The following TXN variants were observed in gnomAD, a reference collection of about 807,000 sequenced individuals.
TXN encodes ADF.
Under a neutral mutation model 16.5 loss-of-function variants are expected in TXN, and 10 were observed. The observed-to-expected ratio is 0.61, with a 90% CI of 0.37 to 1.03. The LOEUF is 1.03. TXN is among the 50% of genes least tolerant of loss of function. TXN has a pLI of 0.01. For missense variants in TXN, 71 were observed against 122.5 expected (o/e 0.58, Z 1.98); for synonymous variants, 35 against 39.4 (o/e 0.89, Z 0.42).
chr9:110,244,906 A>G, intron 3 of TXN, 63 bp from the exon 4 acceptor site: 1 of 1,404,472 alleles, frequency 7.1e-7, no homozygotes. Flanking sequence ...GAGCTTTGAC[A>G]GAAGTAATCC....
intron 1 of TXN, among the ~76,000 whole-genome samples, chr9:110,255,743 G>A (rs1448002672): frequency 6.6e-6 from 1 of 152,204 alleles, no homozygotes; most frequent in Non-Finnish European, 1.5e-5. Context: ...ACGTGCCAGG[G>A]GGTCTCCAGC....
chr9:110,244,853 A>C lies in TXN; in HGVS notation c.190-10T>G. Reference sequence around the variant, plus strand: ...ACTCTGAAGCAACATCCTGGTAGGGAAAGTAGCAAAGGGAGAGGATTAAAT... The same window carrying C: ...ACTCTGAAGCAACATCCTGGTAGGGCAAGTAGCAAAGGGAGAGGATTAAAT... On this transcript the variant is annotated splice_polypyrimidine_tract_variant and intron_variant, in intron 3 of 4. Transcript: ENST00000374517. The C allele has an allele frequency of 6.2e-7, 1 of 1,610,656 alleles. No homozygotes were observed. Among genetic ancestry groups the C allele is most frequent in the Non-Finnish European group, 8.5e-7 (1 of 1,177,154 alleles).
Position 110,243,964 on chromosome 9 carries a change from C to T in TXN, c.*193G>A, listed in dbSNP as rs1021281360. 3.2e-6 allele frequency: 1 copy of T among 311,450 alleles called. No homozygotes were observed. The highest frequency in any genetic ancestry group is 6.0e-6 in the Non-Finnish European group (1 of 165,640). 19.3% of individuals were successfully genotyped at this position (311,450 alleles called of 1,614,324 possible). A position where few individuals can be genotyped will look rare whatever the true frequency, so the allele number is the denominator to read the frequency against. ...AAGTGATTGAGAATATAGGAAAATACATTAAATGACCATTTCACATTTATT... is the reference window on the plus strand; with the variant it reads ...AAGTGATTGAGAATATAGGAAAATATATTAAATGACCATTTCACATTTATT... On this transcript the variant is annotated 3_prime_UTR_variant, in exon 5 of 5. Coordinates refer to ENST00000374517, the MANE Select transcript of TXN (RefSeq NM_003329.4).
rs565682791 is a variant in TXN, at chr9:110,250,877, G to A, written c.132C>T (p.Ser44=). The change falls in exon 3 of 5, where the codon TCC becomes TCT. Residue 44 remains serine (S), a splice_region_variant and synonymous_variant. Transcript: ENST00000374517. ...PCKMIKPFFH[S]LSEKYSNVIF... ...TCACGTTGGAATACTTTTCAGAGAGGGACTGGAAAATTTAAAATGAAAAAT... is the reference window on the plus strand; with the variant it reads ...TCACGTTGGAATACTTTTCAGAGAGAGACTGGAAAATTTAAAATGAAAAAT... 5 of 1,608,224 alleles carry A rather than the reference G, an allele frequency of 3.1e-6. No individual in the cohort carries two copies. In the African/African-American group the frequency reaches 6.7e-5, roughly 22 times the overall value.
intron 3 of TXN, among the ~76,000 whole-genome samples, chr9:110,249,038 G>T (rs983632007): frequency 7.1e-6 from 1 of 140,328 alleles, no homozygotes; most frequent in Admixed American, 8.1e-5. Context: ...TGAGACAGAG[G>T]ATTGCTTAAA....
intron 3 of TXN, among the ~76,000 whole-genome samples, chr9:110,249,350 T>G (rs1837698951): frequency 6.6e-6 from 1 of 151,516 alleles, no homozygotes; most frequent in South Asian, 2.1e-4. Context: ...GAATAGTAAC[T>G]TAACAACCAT....
At chr9:110,245,673 T>TTA (rs1278909501) in intron 3 of TXN, among the ~76,000 whole-genome samples, 5 of 127,380 alleles carry the variant, frequency 3.9e-5, no homozygotes, top group South Asian at 5.2e-4. Context: ...TTTTTTTTTT[T>TTA]ATAGGGACAA....
intron 1 of TXN, among the ~76,000 whole-genome samples, chr9:110,251,900 G>C (rs1013999048): frequency 4.6e-5 from 7 of 152,154 alleles, no homozygotes; most frequent in Admixed American, 1.3e-4. Flanking sequence ...AAAGGCATAG[G>C]ATTTTGCAAT....
chr9:110,245,618 CT>C lies in TXN; in HGVS notation c.190-776del, dbSNP rs1837639448. Reference sequence around the variant, plus strand: ...GTATATATATACACACACACACACACTATATATATATATATATATATATATA... The same window carrying C: ...GTATATATATACACACACACACACACATATATATATATATATATATATATA... On this transcript the variant is annotated intron_variant, in intron 3 of 4. Transcript: ENST00000374517. 8.9e-3 allele frequency among the ~76,000 whole-genome samples: 275 copies of C among 30,886 alleles called. 16 individuals are homozygous for C. Among genetic ancestry groups the C allele is most frequent in the East Asian group, 0.082 (35 of 426 alleles). The allele number at this position is 30,886 out of a possible 152,430, so 20.3% of individuals were successfully genotyped here.
At chr9:110,245,648 A>AT (rs1465035800) in intron 3 of TXN, among the ~76,000 whole-genome samples, 125 of 23,496 alleles carry the variant, frequency 5.3e-3, no homozygotes, top group African/African-American at 0.013. Flanking sequence ...ATATATATAT[A>AT]TATATATTTT....
intron 1 of TXN, among the ~76,000 whole-genome samples, chr9:110,254,990 CAT>C (rs2118584286): frequency 6.6e-6 from 1 of 152,336 alleles, no homozygotes; most frequent in East Asian, 1.9e-4. Flanking sequence ...CTTTTCAACA[CAT>C]GAGGGCTGCT....
intron 2 of TXN, among the ~76,000 whole-genome samples, chr9:110,251,132 A>T (rs1837728131): frequency 6.6e-6 from 1 of 152,228 alleles, no homozygotes; most frequent in African/African-American, 2.4e-5. Flanking sequence ...ATGTGGGGAA[A>T]AAAAGAACTA....
intron 3 of TXN, among the ~76,000 whole-genome samples, chr9:110,249,192 T>C (rs902319188): frequency 1.4e-4 from 20 of 144,464 alleles, no homozygotes; most frequent in African/African-American, 5.1e-4. Context: ...CAGTGGCAGT[T>C]AGAATTTCTC....
At position 110,254,641 on chromosome 9, in the gene TXN, C is replaced by CT. The variant is rs143610988; in HGVS notation, c.24+1770dup. 1.4e-3 allele frequency among the ~76,000 whole-genome samples: 210 copies of CT among 152,318 alleles called. 1 individual carries two copies. The highest frequency in any genetic ancestry group is 2.1e-3 in the Non-Finnish European group (145 of 68,034). On this transcript the variant is annotated intron_variant, in intron 1 of 4. Coordinates refer to ENST00000374517, the MANE Select transcript of TXN (RefSeq NM_003329.4). ...GGCCTTTGGGCCCCAGGCTGTAGTG[C>CT]TTTTTTTAAAGTTCCTGTCACCCTT...
chr9:110,251,991 C>G (rs961359824), intron 1 of TXN, among the ~76,000 whole-genome samples: 8 of 151,802 alleles, frequency 5.3e-5, no homozygotes, highest in Non-Finnish European at 1.0e-4. Flanking sequence ...TTTGGGAGGC[C>G]GAGGTGGGCG....
intron 3 of TXN, among the ~76,000 whole-genome samples, chr9:110,250,045 G>C (rs538196164): frequency 6.6e-6 from 1 of 151,192 alleles, no homozygotes; most frequent in African/African-American, 2.4e-5. Flanking sequence ...CTAAGCACCC[G>C]ATCTACACCC....
rs1191860464 is a variant in TXN at position 110,245,645 on chromosome 9, TATATATA to T, written c.190-809_190-803del. On this transcript the variant is annotated intron_variant, in intron 3 of 4. Coordinates refer to ENST00000374517, the MANE Select transcript of TXN (RefSeq NM_003329.4). Reference sequence around the variant, plus strand: ...ATATATATATATATATATATATATATATATATATATTTTTTTTTTTTTTTTTTTATAG... The same window carrying T: ...ATATATATATATATATATATATATATTATTTTTTTTTTTTTTTTTTTATAG... Among the ~76,000 whole-genome samples, 68 of 33,446 alleles carry T rather than the reference TATATATA, an allele frequency of 2.0e-3. 2 individuals are homozygous for T. Among genetic ancestry groups the T allele is most frequent in the African/African-American group, 7.6e-3 (48 of 6,312 alleles). 21.9% of individuals were successfully genotyped at this position (33,446 alleles called of 152,430 possible).
chr9:110,245,642 ATATATATATATATTTT>A (rs1285521533), intron 3 of TXN, among the ~76,000 whole-genome samples: 1 of 29,626 alleles, frequency 3.4e-5, no homozygotes, highest in African/African-American at 2.0e-4. Flanking sequence ...ATATATATAT[ATATATATATATATTTT>A]TTTTTTTTTT....
intron 3 of TXN, among the ~76,000 whole-genome samples, chr9:110,248,934 G>A (rs1358675301): frequency 6.6e-6 from 1 of 151,810 alleles, no homozygotes; most frequent in Non-Finnish European, 1.5e-5. Flanking sequence ...CCAACATGGT[G>A]AAACCCCGTC....
Sources: gnomAD v4.1 joint callset for allele counts (sites outside exome capture counted in the v4.1 genomes callset) on GRCh38, gnomAD v4.1.1 for gene constraint, MANE v1.5 for transcripts, NCBI Gene and HGNC (gene_info 2026-07-23, HGNC 2026-07-21) for gene names.